Variants in MAN1C1 observed in about 807,000 individuals in gnomAD.
The protein encoded by MAN1C1 is mannosidase alpha class 1C member 1.
In MAN1C1, 49 loss-of-function variants were observed where a neutral mutation model predicts 71.5. The ratio of observed to expected loss-of-function variants is 0.69; its 90% CI spans 0.54 to 0.87. The LOEUF is 0.87. Among genes scored for constraint, MAN1C1 ranks in the 40% least tolerant of loss-of-function variants. The probability of loss-of-function intolerance (pLI) is 0.00; values close to 1 mark genes in which losing one functional copy is unlikely to be tolerated. For missense variants in MAN1C1, 743 were observed against 835.0 expected, an observed-to-expected ratio of 0.89 and a Z score of 1.36; for synonymous variants, 352 against 343.7, an observed-to-expected ratio of 1.02 and a Z score of -0.27.
At chr1:25,727,786 C>T (rs2046853101) in intron 2 of MAN1C1, among the ~76,000 whole-genome samples, 1 of 152,242 alleles carries the variant, frequency 6.6e-6, no homozygotes, top group African/African-American at 2.4e-5. Context: ...CCATCCTGGG[C>T]CCCTGGCCCT....
intron 1 of MAN1C1, among the ~76,000 whole-genome samples, chr1:25,663,546 C>T (rs1255717724): frequency 6.6e-6 from 1 of 152,186 alleles, no homozygotes; most frequent in Non-Finnish European, 1.5e-5. Flanking sequence ...CAAAATACTT[C>T]GTTGTACTGT....
intron 1 of MAN1C1, among the ~76,000 whole-genome samples, chr1:25,673,361 T>C (rs1361385354): frequency 3.9e-5 from 6 of 152,176 alleles, no homozygotes; most frequent in Admixed American, 6.5e-5. Flanking sequence ...CAGTGGAGTA[T>C]TGTGGCTGTG....
intron 2 of MAN1C1, among the ~76,000 whole-genome samples, chr1:25,710,980 C>A (rs2046606254): frequency 6.6e-6 from 1 of 152,168 alleles, no homozygotes; most frequent in South Asian, 2.1e-4. Flanking sequence ...CTAACGGTTG[C>A]TGTGTAACAA....
intron 1 of MAN1C1, among the ~76,000 whole-genome samples, chr1:25,656,939 C>T (rs1402766454): frequency 6.6e-6 from 1 of 152,110 alleles, no homozygotes; most frequent in Non-Finnish European, 1.5e-5. Flanking sequence ...CGTTCTCCCG[C>T]CTCAGCCTCC....
At chr1:25,766,249 A>C (rs1383591568) in intron 7 of MAN1C1, among the ~76,000 whole-genome samples, 1 of 152,112 alleles carries the variant, frequency 6.6e-6, no homozygotes, top group Non-Finnish European at 1.5e-5. Context: ...GCTAAAGAGC[A>C]GAGGGGGTTA....
intron 7 of MAN1C1, 87 bp from the exon 8 acceptor site, chr1:25,771,560 GCACCGGGCCC>G (rs2124401064): frequency 2.3e-6 from 2 of 863,570 alleles, no homozygotes; most frequent in East Asian, 2.5e-5. Context: ...ACCCGTACAG[GCACCGGGCCC>G]CTGAGGTCAG....
At position 25,642,013 on chromosome 1, in the gene MAN1C1, T is replaced by G. The variant is rs183861049; in HGVS notation, c.540+23676T>G. Among the ~76,000 whole-genome samples the G allele has an allele frequency of 1.8e-3, 275 of 152,340 alleles. 1 individual carries two copies. The highest frequency in any genetic ancestry group is 9.7e-4 in the Non-Finnish European group (66 of 68,024). On this transcript the variant is annotated intron_variant, in intron 1 of 11. Transcript: ENST00000374332. The stretch of plus-strand genomic sequence containing the variant: ...TAATCTTGGCATGTACTGGAATCAC[T>G]TCTAACCACATACAGATGCATGGAT...
chr1:25,655,688 A>T (rs940516504), intron 1 of MAN1C1, among the ~76,000 whole-genome samples: 18 of 152,100 alleles, frequency 1.2e-4, no homozygotes, highest in African/African-American at 3.6e-4. Context: ...GCCTCTAATT[A>T]GGGGTACTGA....
In MAN1C1 at chr1:25,669,946, G is replaced by A. The variant is rs897155458; in HGVS notation, c.541-16494G>A. ...AGGAATCTGTCAGGAGAATGTTGCT[G>A]ATCCTCTTTCGGTTCCAAGAACTAC... On this transcript the variant is annotated intron_variant, in intron 1 of 11. Transcript: ENST00000374332. Among the ~76,000 whole-genome samples the A allele has an allele frequency of 3.3e-5, 5 of 152,236 alleles. 1 individual carries two copies. Among genetic ancestry groups the A allele is most frequent in the Non-Finnish European group, 7.3e-5 (5 of 68,042 alleles).
chr1:25,684,873 A>T (rs1237175273), intron 1 of MAN1C1, among the ~76,000 whole-genome samples: 2 of 152,238 alleles, frequency 1.3e-5, no homozygotes, highest in Non-Finnish European at 2.9e-5. Context: ...TGCTTCTCAC[A>T]TGTGGCCCCT....
intron 6 of MAN1C1, chr1:25,759,496 C>T (rs1234572366): frequency 6.6e-6 from 1 of 152,252 alleles, no homozygotes; most frequent in Non-Finnish European, 1.5e-5. Flanking sequence ...TGTCTTCCCC[C>T]TGGAATGCCC....
At chr1:25,780,823 C>A in intron 9 of MAN1C1, 117 bp from the exon 10 acceptor site, 1 of 1,076,286 alleles carries the variant, frequency 9.3e-7, no homozygotes, top group Non-Finnish European at 1.4e-6. Flanking sequence ...ACCCCACACC[C>A]ACACACACCT....
At chr1:25,681,235 AAAAAAG>A (rs1489105816) in intron 1 of MAN1C1, among the ~76,000 whole-genome samples, 19 of 151,854 alleles carry the variant, frequency 1.3e-4, no homozygotes, top group Non-Finnish European at 2.4e-4. Flanking sequence ...TCAAAAAAAA[AAAAAAG>A]AAAAGAAAAG....
At chr1:25,737,557 C>T (rs1343451474) in intron 2 of MAN1C1, among the ~76,000 whole-genome samples, 1 of 152,232 alleles carries the variant, frequency 6.6e-6, no homozygotes, top group Non-Finnish European at 1.5e-5. Flanking sequence ...CCACTCGTTT[C>T]TGCCTTCTCT....
At chr1:25,699,648 G>C (rs1467077511) in intron 2 of MAN1C1, among the ~76,000 whole-genome samples, 5 of 152,192 alleles carry the variant, frequency 3.3e-5, no homozygotes, top group Non-Finnish European at 5.9e-5. Context: ...CTGGCATATG[G>C]TCTCTTGAGT....
intron 1 of MAN1C1, among the ~76,000 whole-genome samples, chr1:25,676,848 A>G (rs183072582): frequency 7.2e-5 from 11 of 152,242 alleles, no homozygotes; most frequent in East Asian, 3.9e-4. Context: ...TCAATATTCA[A>G]TGCTCACCCC....
intron 2 of MAN1C1, among the ~76,000 whole-genome samples, chr1:25,716,979 G>A (rs2046689410): frequency 6.6e-6 from 1 of 152,086 alleles, no homozygotes; most frequent in South Asian, 2.1e-4. Context: ...GTTCCTCCAT[G>A]GTGTTTTGTC....
At chr1:25,661,892 G>T (rs2124103129) in intron 1 of MAN1C1, among the ~76,000 whole-genome samples, 1 of 152,268 alleles carries the variant, frequency 6.6e-6, no homozygotes, top group Non-Finnish European at 1.5e-5. Flanking sequence ...CCCACATCAG[G>T]TGCTATAAGC....
intron 2 of MAN1C1, among the ~76,000 whole-genome samples, chr1:25,709,242 C>G (rs924580902): frequency 6.6e-6 from 1 of 152,122 alleles, no homozygotes; most frequent in African/African-American, 2.4e-5. Context: ...AAGGGACACT[C>G]AGAGACCTGA....
Sources: gnomAD v4.1 joint callset for allele counts (sites outside exome capture counted in the v4.1 genomes callset) on GRCh38, gnomAD v4.1.1 for gene constraint, MANE v1.5 for transcripts, NCBI Gene and HGNC (gene_info 2026-07-23, HGNC 2026-07-21) for gene names.